CAMSAP1: variants seen among roughly 807,000 people sequenced by gnomAD.
CAMSAP1 encodes the protein calmodulin-regulated spectrin-associated protein 1.
A neutral mutation model predicts 143.5 loss-of-function variants in CAMSAP1; 58 were observed. The ratio of observed to expected loss-of-function variants is 0.40; its 90% CI spans 0.33 to 0.50. The LOEUF (loss-of-function observed/expected upper bound fraction) is 0.50, where lower values mean the gene tolerates loss of function less well. Among genes scored for constraint, CAMSAP1 ranks in the 20% least tolerant of loss-of-function variants. The pLI, the probability that CAMSAP1 is intolerant of heterozygous loss-of-function variation, is 0.45. For synonymous variants in CAMSAP1, 945 were observed against 859.3 expected (o/e 1.10, Z -1.74); for missense variants, 1,969 against 2,115.7 (o/e 0.93, Z 1.36).
At chr9:135,814,529 T>A (rs1038081718) in intron 16 of CAMSAP1, among the ~76,000 whole-genome samples, 1 of 152,142 alleles carries the variant, frequency 6.6e-6, no homozygotes, top group Non-Finnish European at 1.5e-5. Context: ...ACCCTCAGAT[T>A]CCTGCTTCCA....
At chr9:135,868,924 C>CA (rs1418713824) in intron 3 of CAMSAP1, among the ~76,000 whole-genome samples, 5 of 151,880 alleles carry the variant, frequency 3.3e-5, no homozygotes, top group Admixed American at 2.6e-4. Context: ...CCAAGATTGG[C>CA]AATATCAATG....
Position 135,881,685 on chromosome 9 carries a change from G to C in CAMSAP1, c.533C>G (p.Ser178Trp). 1 of 1,551,726 alleles carries C rather than the reference G, an allele frequency of 6.4e-7. No individual in the cohort carries two copies. The highest frequency in any genetic ancestry group is 8.7e-7 in the Non-Finnish European group (1 of 1,147,000). ...CTCGAGGTCGTACGGAAGTTCTTTCGAGGCACTGAACGTTGAGAAGCGCTT... is the reference window on the plus strand; with the variant it reads ...CTCGAGGTCGTACGGAAGTTCTTTCCAGGCACTGAACGTTGAGAAGCGCTT... ...SVKRFSTFSA[S>W]KELPYDLEDA... The change falls in exon 3 of 17, where the codon TCG (serine) becomes TGG (tryptophan). Residue 178 changes from serine (S) to tryptophan (W), a missense_variant. By Grantham distance (177) the Ser-to-Trp change is radical (BLOSUM62 -3). This residue lies in a region of CAMSAP1 where 221 missense variants were observed against 298.2 expected (regional missense o/e 0.74). Transcript: ENST00000389532.
intron 7 of CAMSAP1, among the ~76,000 whole-genome samples, chr9:135,834,285 C>T (rs966266477): frequency 6.6e-6 from 1 of 152,190 alleles, no homozygotes; most frequent in African/African-American, 2.4e-5. Context: ...CCATATGATC[C>T]AGCAATCCCT....
At position 135,822,112 on chromosome 9, in the gene CAMSAP1, G is replaced by A; in HGVS notation, c.2549C>T (p.Ala850Val). The change falls in exon 11 of 17, where the codon GCC (alanine) becomes GTC (valine). Residue 850 changes from alanine (A) to valine (V), a missense_variant. Coordinates refer to ENST00000389532, the MANE Select transcript of CAMSAP1 (RefSeq NM_015447.4). This position sits in a 1 kb window ranked among gnomAD's most constrained non-coding sequence, Gnocchi z 6.1. ...CTTCTGCCTCCACGTCGTCAGAGGG[G>A]CTGGGCAGCTCTCAGACGCATCTGG... ...TTPDASESCP[A>V]PLTTWRQKRE... The A allele has an allele frequency of 6.2e-7, 1 of 1,612,354 alleles. No homozygotes were observed. Among genetic ancestry groups the A allele is most frequent in the African/African-American group, 1.3e-5 (1 of 75,062 alleles).
At chr9:135,833,078 C>CTTTTT (rs56081448) in intron 7 of CAMSAP1, among the ~76,000 whole-genome samples, 2 of 96,532 alleles carry the variant, frequency 2.1e-5, no homozygotes, top group African/African-American at 4.0e-5. Flanking sequence ...CCACAGTAAT[C>CTTTTT]TTTTTTTTTT....
Position 135,820,050 on chromosome 9 carries a change from C to T in CAMSAP1, c.3822+789G>A, listed in dbSNP as rs990602882. Among the ~76,000 whole-genome samples, 1 of 152,178 alleles carries T rather than the reference C, an allele frequency of 6.6e-6. No individual in the cohort carries two copies. The highest frequency in any genetic ancestry group is 6.5e-5 in the Admixed American group (1 of 15,282). On this transcript the variant is annotated intron_variant, in intron 11 of 16. Coordinates refer to ENST00000389532, the MANE Select transcript of CAMSAP1 (RefSeq NM_015447.4). The surrounding 1 kb of genome is among the most constrained non-coding windows in gnomAD (Gnocchi z 4.4). The stretch of plus-strand genomic sequence containing the variant: ...GAGAAAACGTTCTGAGAAATAGGTC[C>T]TCAGGTGACTCTGCTGCTGTGTGAG...
chr9:135,837,837 T>A (rs1350171146), intron 7 of CAMSAP1, among the ~76,000 whole-genome samples: 1 of 150,434 alleles, frequency 6.6e-6, no homozygotes, highest in African/African-American at 2.5e-5. Flanking sequence ...ACACACGTCA[T>A]CACGCACTTT....
chr9:135,904,324 G>A (rs188236087), intron 1 of CAMSAP1, among the ~76,000 whole-genome samples: 39 of 151,072 alleles, frequency 2.6e-4, no homozygotes, highest in African/African-American at 8.0e-4. Context: ...ACTTGAGCCC[G>A]GCAGGCGGAG....
chr9:135,877,863 A>G (rs1461999409), intron 3 of CAMSAP1, among the ~76,000 whole-genome samples: 1 of 152,172 alleles, frequency 6.6e-6, no homozygotes, highest in African/African-American at 2.4e-5. Flanking sequence ...CTGGGCATCA[A>G]TAAAAAATAA....
chr9:135,901,816 A>T (rs1838627521), intron 1 of CAMSAP1, among the ~76,000 whole-genome samples: 2 of 152,286 alleles, frequency 1.3e-5, no homozygotes, highest in East Asian at 3.9e-4. Flanking sequence ...AGCCAACCTG[A>T]GCACCATAAA....
intron 1 of CAMSAP1, among the ~76,000 whole-genome samples, chr9:135,888,329 T>A (rs1267401526): frequency 6.6e-6 from 1 of 152,110 alleles, no homozygotes; most frequent in Non-Finnish European, 1.5e-5. Flanking sequence ...ACTGCAGCCC[T>A]CCCGCGGCAC....
At position 135,815,948 on chromosome 9, in the gene CAMSAP1, G is replaced by T. The variant is rs753684895; in HGVS notation, c.4329C>A (p.Asp1443Glu). ...CCGCCGACGCGGTCTCCCAGTCTCG[G>T]TCTGTGCTCCTGCTTGGGTTACGGC... Reference protein sequence around the residue: ...ILSRNPSRSTDRDWETASAAS... With the variant: ...ILSRNPSRSTERDWETASAAS... Residue 1443 changes from aspartate to glutamate, a missense_variant, in exon 15 of 17, where the codon GAC (aspartate) becomes GAA (glutamate). Coordinates refer to ENST00000389532, the MANE Select transcript of CAMSAP1 (RefSeq NM_015447.4). The T allele has an allele frequency of 1.2e-6, 2 of 1,613,762 alleles. No homozygotes were observed. Among genetic ancestry groups the T allele is most frequent in the African/African-American group, 2.7e-5 (2 of 74,944 alleles).
intron 7 of CAMSAP1, among the ~76,000 whole-genome samples, chr9:135,837,112 G>A (rs892110556): frequency 5.7e-5 from 8 of 140,688 alleles, no homozygotes; most frequent in Non-Finnish European, 9.1e-5. Flanking sequence ...AGAGACACAC[G>A]TCACCACGGA....
chr9:135,870,712 T>C (rs1485348915), intron 3 of CAMSAP1, among the ~76,000 whole-genome samples: 1 of 152,144 alleles, frequency 6.6e-6, no homozygotes, highest in African/African-American at 2.4e-5. Context: ...GAAGAATCCC[T>C]TAAACCCAGG....
chr9:135,818,723 T>C lies in CAMSAP1; in HGVS notation c.3960-107A>G, dbSNP rs1835332710. The C allele has an allele frequency of 1.5e-5, 20 of 1,350,186 alleles. No individual in the cohort carries two copies. The Admixed American group carries it at 4.5e-4, about 31-fold the overall frequency. 83.6% of individuals were successfully genotyped at this position (1,350,186 alleles called of 1,614,324 possible). On this transcript the variant is annotated intron_variant, in intron 12 of 16. Coordinates refer to ENST00000389532, the MANE Select transcript of CAMSAP1 (RefSeq NM_015447.4). The surrounding 1 kb of genome is among the most constrained non-coding windows in gnomAD (Gnocchi z 7.7). ...CGTTTCTCGGGTTCTCCCCGGCCGC[T>C]GGGACCAAGAGTGGCCAGCCTCCAC...
intron 7 of CAMSAP1, among the ~76,000 whole-genome samples, chr9:135,835,557 G>A (rs1835997030): frequency 6.6e-6 from 1 of 152,204 alleles, no homozygotes; most frequent in South Asian, 2.1e-4. Context: ...AGCCAACAAG[G>A]GCACTGGTGA....
At chr9:135,819,332 C>T (rs1216686495) in intron 11 of CAMSAP1, among the ~76,000 whole-genome samples, 186 bp from the exon 12 acceptor site, 2 of 152,222 alleles carry the variant, frequency 1.3e-5, no homozygotes, top group Admixed American at 6.5e-5. Flanking sequence ...ATTTCAAAGG[C>T]GCTCGGCATC....
intron 1 of CAMSAP1, among the ~76,000 whole-genome samples, chr9:135,883,690 T>G (rs1838031789): frequency 6.6e-6 from 1 of 152,194 alleles, no homozygotes; most frequent in African/African-American, 2.4e-5. Flanking sequence ...CCTTTATCCA[T>G]TTTTGGACCA....
intron 7 of CAMSAP1, among the ~76,000 whole-genome samples, chr9:135,833,124 C>T (rs1200774084): frequency 2.0e-5 from 3 of 147,114 alleles, no homozygotes; most frequent in Non-Finnish European, 4.4e-5. Flanking sequence ...CTCTGTCGCC[C>T]AGGCTGGAGT....
Sources: allele counts gnomAD v4.1 joint callset (sites outside exome capture counted in the v4.1 genomes callset), GRCh38; gene constraint gnomAD v4.1.1; regional missense constraint gnomAD v4.1.1; non-coding constraint Gnocchi (gnomAD v3.1); transcripts MANE v1.5; gene names NCBI Gene and HGNC (gene_info 2026-07-23, HGNC 2026-07-21).